Variants in ADCY6 observed in about 807,000 individuals in gnomAD.
ADCY6 encodes the protein adenylate cyclase 6, also known as adenylate cyclase type 6.
ADCY6 carries 59 observed loss-of-function variants against 111.6 expected under a neutral mutation model. That is an observed-to-expected ratio of 0.53 (90% CI 0.43 to 0.66). The LOEUF (loss-of-function observed/expected upper bound fraction) is 0.66. Among genes scored for constraint, ADCY6 ranks in the 30% least tolerant of loss-of-function variants. The pLI is 0.00. For synonymous variants in ADCY6, 576 were observed against 642.9 expected (o/e 0.90, Z 1.57); for missense variants, 1,242 against 1,595.6 (o/e 0.78, Z 3.78).
Position 48,776,997 on chromosome 12 carries a change from G to T in ADCY6, c.1376+107C>A. 6.9e-7 allele frequency: 1 copy of T among 1,458,836 alleles called. No homozygotes were observed. Among genetic ancestry groups the T allele is most frequent in the Admixed American group, 2.3e-5 (1 of 44,170 alleles). 90.4% of individuals were successfully genotyped at this position (1,458,836 alleles called of 1,614,324 possible). ...TTCCCAGTGACAGACAGACCTCAAA[G>T]ACAGAGAAAGCCAAAACTGAGGAAA... is the stretch of plus-strand genomic sequence containing the variant. On this transcript the variant is annotated intron_variant, in intron 6 of 21. Coordinates refer to ENST00000357869, the MANE Select transcript of ADCY6 (RefSeq NM_015270.5). The surrounding 1 kb of genome is among the most constrained non-coding windows in gnomAD (Gnocchi z 6.1).
chr12:48,766,462 G>A lies in ADCY6; in HGVS notation c.*2129C>T, dbSNP rs1475102578. The A allele has an allele frequency of 6.6e-6, 1 of 152,662 alleles. No homozygotes were observed. The highest frequency in any genetic ancestry group is 2.4e-5 in the African/African-American group (1 of 41,426). The allele number at this position is 152,662 out of a possible 1,614,324, so 9.5% of individuals were successfully genotyped here. A position where few individuals can be genotyped will look rare whatever the true frequency, so the allele number is the denominator to read the frequency against. On this transcript the variant is annotated 3_prime_UTR_variant, in exon 22 of 22. Transcript: ENST00000357869. ...AAGCAGAGACAAGCCACCCAAGGCT[G>A]AGGTCTTCCCACTCTGATCTACTTA...
At position 48,776,422 on chromosome 12, in the gene ADCY6, A is replaced by G; in HGVS notation, c.1535+6T>C. ...CCATCCCCCCCACCTGGACCCCCCT[A>G]CTCACCCAGCCCGGCCTCCTGCCTC... On this transcript the variant is annotated splice_donor_region_variant and intron_variant, in intron 7 of 21. Coordinates refer to ENST00000357869, the MANE Select transcript of ADCY6 (RefSeq NM_015270.5). The surrounding 1 kb of genome is among the most constrained non-coding windows in gnomAD (Gnocchi z 6.1). 1 of 1,081,984 alleles carries G rather than the reference A, an allele frequency of 9.2e-7. No individual in the cohort carries two copies. Among genetic ancestry groups the G allele is most frequent in the Non-Finnish European group, 1.3e-6 (1 of 778,422 alleles). The allele number at this position is 1,081,984 out of a possible 1,614,324, so 67.0% of individuals were successfully genotyped here.
intron 1 of ADCY6, among the ~76,000 whole-genome samples, chr12:48,787,869 A>T (rs1942008664): frequency 6.6e-6 from 1 of 152,100 alleles, no homozygotes; most frequent in East Asian, 1.9e-4. Context: ...TCAGGCTGAG[A>T]CCAGAGTTTG....
upstream of ADCY6, chr12:48,789,241 AG>A (rs1942041630): frequency 6.6e-6 from 1 of 151,778 alleles, no homozygotes; most frequent in African/African-American, 2.4e-5. Context: ...GGGGCGGAGG[AG>A]GCCAAATAAT....
At position 48,775,351 on chromosome 12, in the gene ADCY6, A is replaced by G. The variant is rs116626928; in HGVS notation, c.1932T>C (p.His644=). ...ARSIDQLRKD[H]VRRFLLTFQR... is the part of the protein sequence containing the mutation. ...GGAAGGTGAGCAGAAACCGGCGCAC[A>G]TGGTCCTTCCGCAGCTGATCAATGC... The change falls in exon 11 of 22, where the codon CAT becomes CAC. Residue 644 remains histidine (H), a synonymous_variant. Coordinates refer to ENST00000357869, the MANE Select transcript of ADCY6 (RefSeq NM_015270.5). The G allele has an allele frequency of 3.4e-5, 55 of 1,614,088 alleles. No homozygotes were observed. In the African/African-American group the frequency reaches 4.9e-4, roughly 14 times the overall value.
rs1941860604 is a variant in ADCY6 at position 48,782,196 on chromosome 12, G to A, written c.864+375C>T. Among the ~76,000 whole-genome samples, 1 of 150,066 alleles carries A rather than the reference G, an allele frequency of 6.7e-6. No individual in the cohort carries two copies. The highest frequency in any genetic ancestry group is 2.1e-4 in the South Asian group (1 of 4,822). On this transcript the variant is annotated intron_variant, in intron 2 of 21. Coordinates refer to ENST00000357869, the MANE Select transcript of ADCY6 (RefSeq NM_015270.5). This position sits in a 1 kb window ranked among gnomAD's most constrained non-coding sequence, Gnocchi z 4.3. Reference sequence around the variant, plus strand: ...CTAAGGCCTGGACACAGCCTGCACTGCCTTTTCAGCCCCACGGTGGCCCTG... The same window carrying A: ...CTAAGGCCTGGACACAGCCTGCACTACCTTTTCAGCCCCACGGTGGCCCTG...
rs527727500 is a variant in ADCY6 at position 48,788,411 on chromosome 12, G to C, written c.-5+495C>G. ...AAGTCAGCTCCCCTGCCCACCCTGCGGCAGGCCTTGGGGGATGTGGGGAGC... is the reference window on the plus strand; with the variant it reads ...AAGTCAGCTCCCCTGCCCACCCTGCCGCAGGCCTTGGGGGATGTGGGGAGC... On this transcript the variant is annotated intron_variant, in intron 1 of 21. Transcript: ENST00000357869. Among the ~76,000 whole-genome samples, 16 of 152,206 alleles carry C rather than the reference G, an allele frequency of 1.1e-4. No homozygotes were observed. In the South Asian group the frequency reaches 1.5e-3, roughly 14 times the overall value.
intron 3 of ADCY6, 71 bp downstream of exon 3, chr12:48,778,037 C>T: frequency 6.5e-7 from 1 of 1,537,822 alleles, no homozygotes; most frequent in East Asian, 2.4e-5. Flanking sequence ...CTGGACAAGG[C>T]AGCAGATCCA....
chr12:48,777,761 A>C lies in ADCY6; in HGVS notation c.1015-25T>G. 6.2e-7 allele frequency: 1 copy of C among 1,613,214 alleles called. No individual in the cohort carries two copies. Among genetic ancestry groups the C allele is most frequent in the Non-Finnish European group, 8.5e-7 (1 of 1,179,688 alleles). ...CCTAGCCCAGTGGTTCCAATAGGGC[A>C]TCACTATACTCTTGGTCTCACATTG... On this transcript the variant is annotated intron_variant, in intron 3 of 21. Coordinates refer to ENST00000357869, the MANE Select transcript of ADCY6 (RefSeq NM_015270.5). The surrounding 1 kb of genome is among the most constrained non-coding windows in gnomAD (Gnocchi z 4.9).
rs1941707522 is a variant in ADCY6, at chr12:48,776,490, C to G, written c.1473G>C (p.Gln491His). Residue 491 changes from glutamine to histidine, a missense_variant, in exon 7 of 22, where the codon CAG (glutamine) becomes CAC (histidine). This residue lies in a region of ADCY6 where 260 missense variants were observed against 414.6 expected (regional missense o/e 0.63). Transcript: ENST00000357869. This position sits in a 1 kb window ranked among gnomAD's most constrained non-coding sequence, Gnocchi z 6.1. Reference sequence around the variant, plus strand: ...TCACATCATTGGACCACACATCGAACTGCCATTTCCGCAAGCCAAGGACGC... The same window carrying G: ...TCACATCATTGGACCACACATCGAAGTGCCATTTCCGCAAGCCAAGGACGC... ...HCGVLGLRKW[Q>H]FDVWSNDVTL... 1.9e-6 allele frequency: 3 copies of G among 1,613,770 alleles called. No homozygotes were observed. Among genetic ancestry groups the G allele is most frequent in the Non-Finnish European group, 2.5e-6 (3 of 1,179,984 alleles).
rs879249124 is a variant in ADCY6 at position 48,767,026 on chromosome 12, A to T, written c.*1565T>A. On this transcript the variant is annotated 3_prime_UTR_variant, in exon 22 of 22. Coordinates refer to ENST00000357869, the MANE Select transcript of ADCY6 (RefSeq NM_015270.5). ...CACAAGGGACTGGGGAGCTAGAAAC[A>T]TGCTAGACTCAGGCTGAAGGCTGGG... is the stretch of plus-strand genomic sequence containing the variant. The T allele has an allele frequency of 2.6e-5, 4 of 152,430 alleles. No individual in the cohort carries two copies. The South Asian group carries it at 6.2e-4, about 24-fold the overall frequency. 9.4% of individuals were successfully genotyped at this position (152,430 alleles called of 1,614,324 possible). A position where few individuals can be genotyped will look rare whatever the true frequency, so the allele number is the denominator to read the frequency against.
At position 48,776,082 on chromosome 12, in the gene ADCY6, TCTC is replaced by T. The variant is rs1392097953; in HGVS notation, c.1684_1686del (p.Glu562del). The T allele has an allele frequency of 6.2e-7, 1 of 1,613,652 alleles. No individual in the cohort carries two copies. The highest frequency in any genetic ancestry group is 8.5e-7 in the Non-Finnish European group (1 of 1,179,824). On this transcript the variant is annotated inframe_deletion, in exon 9 of 22. Coordinates refer to ENST00000357869, the MANE Select transcript of ADCY6 (RefSeq NM_015270.5). This position sits in a 1 kb window ranked among gnomAD's most constrained non-coding sequence, Gnocchi z 6.1. The stretch of plus-strand genomic sequence containing the variant: ...CGCTGCAGCTTGGCCAGCATGGCCT[TCTC>T]CTCTTTCTGTGCGGGCAGCATGGGT...
In ADCY6 at chr12:48,772,389, G is replaced by T. The variant is rs540948642; in HGVS notation, c.2693C>A (p.Thr898Asn). ...AAGRVALKYM[T>N]PVILLVFALA... is the part of the protein sequence containing the mutation. ...CGCAAACACCAGCAGAATCACAGGGGTCATATATTTGAGGGCCACCCTCCC... is the reference window on the plus strand; with the variant it reads ...CGCAAACACCAGCAGAATCACAGGGTTCATATATTTGAGGGCCACCCTCCC... The change falls in exon 18 of 22, where the codon ACC (threonine) becomes AAC (asparagine). Residue 898 changes from threonine (T) to asparagine (N), a missense_variant. Around this residue, in one of 4 missense-constraint regions of ADCY6, gnomAD observed 245 missense variants for 371.3 expected, o/e 0.66. Coordinates refer to ENST00000357869, the MANE Select transcript of ADCY6 (RefSeq NM_015270.5). 2 of 1,614,208 alleles carry T rather than the reference G, an allele frequency of 1.2e-6. No individual in the cohort carries two copies. The highest frequency in any genetic ancestry group is 2.2e-5 in the East Asian group (1 of 44,892).
At position 48,774,116 on chromosome 12, in the gene ADCY6, T is replaced by C. The variant is rs1413210292; in HGVS notation, c.2284-18A>G. 3.1e-6 allele frequency: 5 copies of C among 1,596,246 alleles called. No homozygotes were observed. Among genetic ancestry groups the C allele is most frequent in the Non-Finnish European group, 4.3e-6 (5 of 1,170,198 alleles). On this transcript the variant is annotated intron_variant, in intron 14 of 21. Coordinates refer to ENST00000357869, the MANE Select transcript of ADCY6 (RefSeq NM_015270.5). ...CAGGTGAACTGCAAAAGTGGAGGGG[T>C]ATATCAGGGTAACCAAGGAGGGAAA...
chr12:48,786,932 G>T (rs1941988486), intron 1 of ADCY6, among the ~76,000 whole-genome samples: 2 of 152,208 alleles, frequency 1.3e-5, no homozygotes. Context: ...CCTCAGGAAA[G>T]AATCTAATAA....
intron 1 of ADCY6, among the ~76,000 whole-genome samples, chr12:48,784,623 C>T (rs1160352905): frequency 1.4e-5 from 2 of 146,012 alleles, no homozygotes; most frequent in East Asian, 2.0e-4. Flanking sequence ...CAGTGGGTCC[C>T]GATCTGATTT....
chr12:48,773,452 C>A lies in ADCY6; in HGVS notation c.2621+17G>T. On this transcript the variant is annotated intron_variant, in intron 16 of 21. Coordinates refer to ENST00000357869, the MANE Select transcript of ADCY6 (RefSeq NM_015270.5). ...GGGAAGCTCCTGGGGTATTAAAGGA[C>A]CTGAGAATAAACTCACAAGCCATGG... 6.2e-7 allele frequency: 1 copy of A among 1,611,944 alleles called. No homozygotes were observed. The highest frequency in any genetic ancestry group is 8.5e-7 in the Non-Finnish European group (1 of 1,178,708).
intron 21 of ADCY6, 97 bp downstream of exon 21, chr12:48,768,840 A>ACTAGCCACCCTACC: frequency 6.5e-7 from 1 of 1,549,604 alleles, no homozygotes; most frequent in Non-Finnish European, 8.8e-7. Flanking sequence ...TACACAGAAC[A>ACTAGCCACCCTACC]CTAGCCACCC....
intron 21 of ADCY6, 33 bp downstream of exon 21, chr12:48,768,904 G>A (rs1941446958): frequency 1.9e-6 from 3 of 1,588,354 alleles, no homozygotes; most frequent in South Asian, 1.2e-5. Context: ...CCGGGCCCAT[G>A]TTCCTCCCAG....
Sources: gnomAD v4.1 joint callset for allele counts (sites outside exome capture counted in the v4.1 genomes callset) on GRCh38, gnomAD v4.1.1 for gene constraint, gnomAD v4.1.1 regional missense constraint, Gnocchi (gnomAD v3.1) non-coding constraint, MANE v1.5 for transcripts, NCBI Gene and HGNC (gene_info 2026-07-23, HGNC 2026-07-21) for gene names.